The following LOXHD1 variants were observed in gnomAD, a reference collection of about 807,000 sequenced individuals.
The protein encoded by LOXHD1 is lipoxygenase homology PLAT domains 1.
LOXHD1 carries 205 observed loss-of-function variants against 248.2 expected under a neutral mutation model. The observed-to-expected ratio is 0.83, with a 90% CI of 0.74 to 0.93. LOXHD1 has a LOEUF of 0.93. LOXHD1 is among the 40% of genes least tolerant of loss of function. LOXHD1 has a pLI of 0.00. For synonymous variants in LOXHD1, 1,113 were observed against 1,162.8 expected (o/e 0.96, Z 0.87); for missense variants, 2,930 against 2,971.6 (o/e 0.99, Z 0.33).
chr18:46,645,258 T>C (rs1686723975), intron 2 of LOXHD1, among the ~76,000 whole-genome samples: 1 of 152,240 alleles, frequency 6.6e-6, no homozygotes. Flanking sequence ...GAAATCTTCA[T>C]GTTTCCTTGC....
chr18:46,566,968 G>A (rs569226791), intron 16 of LOXHD1, among the ~76,000 whole-genome samples: 1 of 152,274 alleles, frequency 6.6e-6, no homozygotes, highest in East Asian at 1.9e-4. Flanking sequence ...AGGACTCTGC[G>A]GTTCTGTGTC....
At position 46,545,399 on chromosome 18, in the gene LOXHD1, C is replaced by G; in HGVS notation, c.3537G>C (p.Val1179=). 2 of 1,551,766 alleles carry G rather than the reference C, an allele frequency of 1.3e-6. No homozygotes were observed. The highest frequency in any genetic ancestry group is 1.7e-6 in the Non-Finnish European group (2 of 1,146,798). Residue 1179 remains valine (V), a synonymous_variant, in exon 23 of 41, where the codon GTG becomes GTC. Transcript: ENST00000642948. ...EQKDKSTTFS[V]TIKTGVKKNA... is the part of the protein sequence containing the mutation. ...TCTTCTTAACCCCAGTCTTTATGGT[C>G]ACTGAGAATGTGGTAGATTTATCTG... is the stretch of plus-strand genomic sequence containing the variant.
At chr18:46,547,116 G>A (rs943285281) in intron 21 of LOXHD1, 58 bp from the exon 22 acceptor site, 3 of 1,540,044 alleles carry the variant, frequency 1.9e-6, no homozygotes, top group African/African-American at 2.7e-5. Context: ...TCGTCCAGGA[G>A]CAGTCATGGG....
At chr18:46,484,891 G>A in intron 39 of LOXHD1, 128 bp downstream of exon 39, 1 of 1,137,786 alleles carries the variant, frequency 8.8e-7, no homozygotes, top group Non-Finnish European at 1.2e-6. Flanking sequence ...GCACACAGTA[G>A]GTGCTCAGTA....
chr18:46,632,213 A>G (rs530721834), intron 4 of LOXHD1, among the ~76,000 whole-genome samples: 1 of 152,302 alleles, frequency 6.6e-6, no homozygotes, highest in East Asian at 1.9e-4. Flanking sequence ...ATTTTGTCTC[A>G]AAGTCATATA....
intron 4 of LOXHD1, among the ~76,000 whole-genome samples, chr18:46,627,814 T>C (rs2038764279): frequency 6.6e-6 from 1 of 152,188 alleles, no homozygotes; most frequent in Admixed American, 6.5e-5. Flanking sequence ...ACCTCCTCTA[T>C]AAAGGCCTCC....
intron 2 of LOXHD1, among the ~76,000 whole-genome samples, chr18:46,646,261 G>A (rs1056252551): frequency 2.6e-5 from 4 of 152,290 alleles, no homozygotes; most frequent in East Asian, 1.9e-4. Flanking sequence ...TGGGGCAGCC[G>A]ATGGCCTGAG....
intron 4 of LOXHD1, 56 bp from the exon 5 acceptor site, chr18:46,618,346 G>A: frequency 8.1e-7 from 1 of 1,236,672 alleles, no homozygotes. Context: ...AAAGAGAATA[G>A]AGGCCCCAAA....
In LOXHD1 at chr18:46,559,490, G is replaced by C; in HGVS notation, c.3174C>G (p.Pro1058=). ...TGTTGGACTTGTCTGACTTCTTCAG[G>C]GGTCGTTCGCCCGTGTCTCCATACT... The part of the protein sequence containing the change: ...GEEYGDTGER[P]LKKSDKSNKF... Residue 1058 remains proline (P), a synonymous_variant, in exon 20 of 41, where the codon CCC becomes CCG. Coordinates refer to ENST00000642948, the MANE Select transcript of LOXHD1 (RefSeq NM_001384474.1). 1 of 1,551,902 alleles carries C rather than the reference G, an allele frequency of 6.4e-7. No homozygotes were observed. Among genetic ancestry groups the C allele is most frequent in the African/African-American group, 1.4e-5 (1 of 73,110 alleles).
intron 14 of LOXHD1, among the ~76,000 whole-genome samples, chr18:46,577,106 CCA>C (rs2037873122): frequency 6.6e-6 from 1 of 152,152 alleles, no homozygotes. Flanking sequence ...TGTGAATCCT[CCA>C]GACATTGCCA....
At chr18:46,554,167 G>T (rs2037224515) in intron 21 of LOXHD1, among the ~76,000 whole-genome samples, 2 of 152,170 alleles carry the variant, frequency 1.3e-5, no homozygotes, top group Non-Finnish European at 2.9e-5. Context: ...TCGATCAGGG[G>T]GTGGGGATGG....
At chr18:46,520,485 T>C (rs77335298) in intron 33 of LOXHD1, 1 of 362,322 alleles carries the variant, frequency 2.8e-6, no homozygotes, top group Non-Finnish European at 5.4e-6. Context: ...GCACCAGGCA[T>C]CTGCCTCCTG....
At chr18:46,508,518 G>T (rs1318885470) in intron 35 of LOXHD1, among the ~76,000 whole-genome samples, 3 of 152,174 alleles carry the variant, frequency 2.0e-5, no homozygotes, top group Admixed American at 6.5e-5. Context: ...TTCAGAGGGA[G>T]TGTGGCCCTG....
chr18:46,519,330 C>T (rs2035446198), intron 33 of LOXHD1, among the ~76,000 whole-genome samples: 1 of 152,194 alleles, frequency 6.6e-6, no homozygotes, highest in Non-Finnish European at 1.5e-5. Context: ...GGCCTGGTCC[C>T]CATTACCCAG....
chr18:46,586,492 C>G (rs1002534163), intron 12 of LOXHD1, among the ~76,000 whole-genome samples: 2 of 152,180 alleles, frequency 1.3e-5, no homozygotes, highest in African/African-American at 4.8e-5. Context: ...GTTGCCCAGG[C>G]TGGAGTGCAA....
intron 34 of LOXHD1, among the ~76,000 whole-genome samples, chr18:46,510,282 CTGTGCACTGCACA>C (rs1187650377): frequency 1.3e-5 from 2 of 152,212 alleles, no homozygotes; most frequent in African/African-American, 4.8e-5. Context: ...GTGGGGCAGG[CTGTGCACTGCACA>C]ACTCTAGATG....
chr18:46,529,589 C>T (rs1174064442), intron 28 of LOXHD1, among the ~76,000 whole-genome samples: 5 of 152,106 alleles, frequency 3.3e-5, no homozygotes, highest in Admixed American at 6.5e-5. Flanking sequence ...TTTCTAGCAC[C>T]CCTCAAACGA....
At chr18:46,514,988 A>G (rs1251900850) in intron 34 of LOXHD1, among the ~76,000 whole-genome samples, 1 of 152,220 alleles carries the variant, frequency 6.6e-6, no homozygotes, top group African/African-American at 2.4e-5. Context: ...TCTGAATGCC[A>G]TATTAATTCA....
chr18:46,525,264 T>C (rs1012841252), intron 29 of LOXHD1, among the ~76,000 whole-genome samples: 18 of 152,182 alleles, frequency 1.2e-4, no homozygotes, highest in African/African-American at 4.3e-4. Context: ...GGTGGTCAGC[T>C]GGTCCTGTTC....
Sources: allele counts gnomAD v4.1 joint callset (sites outside exome capture counted in the v4.1 genomes callset), GRCh38; gene constraint gnomAD v4.1.1; transcripts MANE v1.5; gene names NCBI Gene and HGNC (gene_info 2026-07-23, HGNC 2026-07-21).